PLEKHA5: variants seen among roughly 807,000 people sequenced by gnomAD.
PLEKHA5 encodes pleckstrin homology domain-containing family A member 5.
In PLEKHA5, 55 loss-of-function variants were observed where a neutral mutation model predicts 181.9. That is an observed-to-expected ratio of 0.30 (90% confidence interval 0.24 to 0.38). The LOEUF is 0.38. PLEKHA5 is among the 10% of genes least tolerant of loss of function. The pLI, the probability that PLEKHA5 is intolerant of heterozygous loss-of-function variation, is 1.00. For missense variants in PLEKHA5, 1,432 were observed against 1,549.5 expected (o/e 0.92, Z 1.27); for synonymous variants, 535 against 529.4 (o/e 1.01, Z -0.15).
intron 8 of PLEKHA5, among the ~76,000 whole-genome samples, chr12:19,267,481 G>A (rs1007259400): frequency 1.3e-5 from 2 of 150,860 alleles, no homozygotes; most frequent in African/African-American, 4.9e-5. Flanking sequence ...CCAACATGGT[G>A]AAACCTCGTC....
At chr12:19,269,003 G>A (rs1327194825) in intron 8 of PLEKHA5, among the ~76,000 whole-genome samples, 3 of 152,056 alleles carry the variant, frequency 2.0e-5, no homozygotes, top group African/African-American at 4.8e-5. Flanking sequence ...AATTGCTAAC[G>A]CAGGAGGGAA....
chr12:19,257,030 G>A (rs2067058960), intron 5 of PLEKHA5, among the ~76,000 whole-genome samples: 1 of 151,966 alleles, frequency 6.6e-6, no homozygotes, highest in Non-Finnish European at 1.5e-5. Flanking sequence ...TTCTTTAATT[G>A]AACCTGCACT....
chr12:19,266,009 CTAAT>C (rs1430687266), intron 8 of PLEKHA5, among the ~76,000 whole-genome samples, 159 bp downstream of exon 8: 3 of 152,082 alleles, frequency 2.0e-5, no homozygotes, highest in African/African-American at 7.2e-5. Context: ...GAATGTCCCT[CTAAT>C]TAGGAAGCAC....
intron 13 of PLEKHA5, 24 bp downstream of exon 13, chr12:19,287,580 T>C (rs1296643377): frequency 7.9e-7 from 1 of 1,271,432 alleles, no homozygotes. Context: ...TTATTTACCA[T>C]ACCATGTTTT....
rs114867679 is a variant in PLEKHA5, at chr12:19,327,794, G to A, written c.2448+5127G>A. On this transcript the variant is annotated intron_variant, in intron 20 of 31. Coordinates refer to ENST00000429027, the MANE Select transcript of PLEKHA5 (RefSeq NM_001256470.2). Reference sequence around the variant, plus strand: ...CAAGTAGCTGGGATTGTAAATGCCCGCTACCAAGCCTGGCTACTTTTTGTA... The same window carrying A: ...CAAGTAGCTGGGATTGTAAATGCCCACTACCAAGCCTGGCTACTTTTTGTA... Among the ~76,000 whole-genome samples, 815 of 151,918 alleles carry A rather than the reference G, an allele frequency of 5.4e-3. 8 individuals are homozygous for A. The highest frequency in any genetic ancestry group is 0.018 in the African/African-American group (762 of 41,452).
chr12:19,135,693 T>G lies in PLEKHA5; in HGVS notation c.227+3243T>G, dbSNP rs149916662. On this transcript the variant is annotated intron_variant, in intron 3 of 31. Transcript: ENST00000429027. ...TCATGTAAACAGATAGTACTGCTAA[T>G]GTAAACAAAGGACCTGATCAGCGTA... 6.7e-3 allele frequency among the ~76,000 whole-genome samples: 1,017 copies of G among 152,282 alleles called. 6 individuals are homozygous for G. The highest frequency in any genetic ancestry group is 0.01 in the Non-Finnish European group (703 of 68,034).
chr12:19,161,488 A>G (rs1425700715), intron 3 of PLEKHA5, among the ~76,000 whole-genome samples: 2 of 152,108 alleles, frequency 1.3e-5, no homozygotes, highest in Non-Finnish European at 2.9e-5. Flanking sequence ...AAAACGCACA[A>G]TCAGCACCCC....
intron 3 of PLEKHA5, among the ~76,000 whole-genome samples, chr12:19,221,844 A>G (rs2058990694): frequency 6.6e-6 from 1 of 152,212 alleles, no homozygotes; most frequent in Admixed American, 6.5e-5. Flanking sequence ...CTGGGGAACT[A>G]TCATAGCCAA....
At chr12:19,363,692 A>G (rs951755586) in intron 29 of PLEKHA5, among the ~76,000 whole-genome samples, 1 of 151,848 alleles carries the variant, frequency 6.6e-6, no homozygotes, top group Non-Finnish European at 1.5e-5. Context: ...GGGTTTCGCC[A>G]TGTTGGCCAG....
At chr12:19,252,933 TG>T (rs1592212871) in intron 3 of PLEKHA5, among the ~76,000 whole-genome samples, 1 of 152,010 alleles carries the variant, frequency 6.6e-6, no homozygotes, top group Non-Finnish European at 1.5e-5. Context: ...GCACCCATGT[TG>T]GACCATAAAA....
intron 11 of PLEKHA5, among the ~76,000 whole-genome samples, chr12:19,276,183 A>G (rs2074458540): frequency 6.6e-6 from 1 of 152,192 alleles, no homozygotes; most frequent in Admixed American, 6.5e-5. Context: ...CTTGATTGTA[A>G]CTGGGGAATC....
intron 20 of PLEKHA5, among the ~76,000 whole-genome samples, chr12:19,334,866 A>ATATATC (rs2093263136): frequency 1.7e-5 from 1 of 58,708 alleles, no homozygotes; most frequent in Admixed American, 2.2e-4. Flanking sequence ...ATATATATAT[A>ATATATC]TATCTCTGTA....
At chr12:19,304,637 G>A (rs1690810560) in intron 15 of PLEKHA5, among the ~76,000 whole-genome samples, 1 of 152,046 alleles carries the variant, frequency 6.6e-6, no homozygotes, top group African/African-American at 2.4e-5. Context: ...TCTTCAGAAA[G>A]ACAAAAACAA....
chr12:19,287,661 A>C (rs147224195), intron 13 of PLEKHA5, 105 bp downstream of exon 13: 2 of 686,670 alleles, frequency 2.9e-6, no homozygotes, highest in Admixed American at 2.7e-5. Context: ...GGTTCTCCCA[A>C]AGAAAAAACA....
At chr12:19,216,948 T>C (rs2058083098) in intron 3 of PLEKHA5, among the ~76,000 whole-genome samples, 1 of 152,190 alleles carries the variant, frequency 6.6e-6, no homozygotes. Flanking sequence ...CATGACTTCT[T>C]TTCTCAATAC....
intron 22 of PLEKHA5, among the ~76,000 whole-genome samples, chr12:19,345,379 G>A (rs1044322871): frequency 6.8e-6 from 1 of 147,184 alleles, no homozygotes; most frequent in South Asian, 2.2e-4. Context: ...CAGCCTGGGC[G>A]ACAGAGCGAA....
intron 3 of PLEKHA5, among the ~76,000 whole-genome samples, chr12:19,253,247 G>A (rs1316539451): frequency 6.7e-6 from 1 of 150,068 alleles, no homozygotes; most frequent in African/African-American, 2.4e-5. Flanking sequence ...GCTAATTTTT[G>A]TATTTTTAGT....
chr12:19,266,039 G>C (rs1387413981), intron 8 of PLEKHA5, among the ~76,000 whole-genome samples, 189 bp downstream of exon 8: 1 of 152,076 alleles, frequency 6.6e-6, no homozygotes, highest in African/African-American at 2.4e-5. Flanking sequence ...AAAATATTTA[G>C]GGGTCAAGTG....
At position 19,291,633 on chromosome 12, in the gene PLEKHA5, G is replaced by A; in HGVS notation, c.1984-11G>A. 1 of 1,476,186 alleles carries A rather than the reference G, an allele frequency of 6.8e-7. No individual in the cohort carries two copies. The highest frequency in any genetic ancestry group is 9.1e-7 in the Non-Finnish European group (1 of 1,098,276). The allele number at this position is 1,476,186 out of a possible 1,614,324, so 91.4% of individuals were successfully genotyped here. On this transcript the variant is annotated splice_polypyrimidine_tract_variant and intron_variant, in intron 14 of 31. Transcript: ENST00000429027. Reference sequence around the variant, plus strand: ...TTCTCTGTCCCTTTTTTCTTAATTGGTGCCTACTAGAATGAAATTCTTTCA... The same window carrying A: ...TTCTCTGTCCCTTTTTTCTTAATTGATGCCTACTAGAATGAAATTCTTTCA...
Sources: gnomAD v4.1 joint callset for allele counts (sites outside exome capture counted in the v4.1 genomes callset) on GRCh38, gnomAD v4.1.1 for gene constraint, MANE v1.5 for transcripts, NCBI Gene and HGNC (gene_info 2026-07-23, HGNC 2026-07-21) for gene names.